NRXN3: variants seen among roughly 807,000 people sequenced by gnomAD.
The protein encoded by NRXN3 is neurexin 3, also known as neurexin III.
In NRXN3, 32 loss-of-function variants were observed where a neutral mutation model predicts 137.6. The ratio of observed to expected loss-of-function variants is 0.23; its 90% CI spans 0.18 to 0.31. NRXN3 has a LOEUF of 0.31. Ranked by LOEUF, NRXN3 falls within the 10% of genes least tolerant of loss-of-function variation. The pLI, the probability that NRXN3 is intolerant of heterozygous loss-of-function variation, is 1.00. For missense variants in NRXN3, 1,574 were observed against 2,062.5 expected (o/e 0.76, Z 4.59); for synonymous variants, 798 against 784.5 (o/e 1.02, Z -0.29).
intron 16 of NRXN3, among the ~76,000 whole-genome samples, chr14:79,564,536 G>T (rs921986939): frequency 6.6e-6 from 1 of 151,996 alleles, no homozygotes; most frequent in African/African-American, 2.4e-5. Context: ...TCATTGTCCC[G>T]CACACTTTAT....
chr14:78,625,026 G>C (rs1360425990), intron 4 of NRXN3, among the ~76,000 whole-genome samples: 2 of 152,072 alleles, frequency 1.3e-5, no homozygotes, highest in East Asian at 3.9e-4. Flanking sequence ...ATTTTTAGTA[G>C]AGACGGGGTT....
chr14:78,484,733 G>A (rs1314676622), intron 4 of NRXN3, among the ~76,000 whole-genome samples: 3 of 152,118 alleles, frequency 2.0e-5, no homozygotes, highest in Non-Finnish European at 2.9e-5. Flanking sequence ...GATCTGGTGT[G>A]TACTTCCCTG....
At chr14:78,473,302 T>C (rs1414029437) in intron 4 of NRXN3, among the ~76,000 whole-genome samples, 2 of 150,812 alleles carry the variant, frequency 1.3e-5, no homozygotes, top group Non-Finnish European at 2.9e-5. Flanking sequence ...CTCGGGAGGC[T>C]GAGGCAGGAG....
chr14:79,732,954 TTTGATA>T (rs1190295379), intron 19 of NRXN3, among the ~76,000 whole-genome samples: 2 of 152,208 alleles, frequency 1.3e-5, no homozygotes, highest in African/African-American at 4.8e-5. Flanking sequence ...AGATTTATAT[TTTGATA>T]TTAATATTAA....
At chr14:78,647,228 A>G (rs961205821) in intron 5 of NRXN3, among the ~76,000 whole-genome samples, 1 of 152,212 alleles carries the variant, frequency 6.6e-6, no homozygotes, top group African/African-American at 2.4e-5. Context: ...TGTAATTCAA[A>G]TATTGTTTGT....
At chr14:79,025,565 C>A (rs1300235337) in intron 15 of NRXN3, among the ~76,000 whole-genome samples, 1 of 152,142 alleles carries the variant, frequency 6.6e-6, no homozygotes, top group Non-Finnish European at 1.5e-5. Flanking sequence ...TTTCCCTCTA[C>A]CGTGAAATTT....
At chr14:78,180,166 T>C (rs568859733) in intron 1 of NRXN3, among the ~76,000 whole-genome samples, 7 of 152,164 alleles carry the variant, frequency 4.6e-5, no homozygotes, top group Admixed American at 3.9e-4. Context: ...AAAATAAACA[T>C]GGGGGAGGGC....
chr14:79,019,578 T>C (rs905280022), intron 15 of NRXN3, among the ~76,000 whole-genome samples: 3 of 151,998 alleles, frequency 2.0e-5, no homozygotes, highest in Non-Finnish European at 4.4e-5. Flanking sequence ...AGGAAAAGAA[T>C]TATGTCCGTG....
At chr14:79,280,522 C>T (rs773319198) in intron 15 of NRXN3, 1 of 1,612,258 alleles carries the variant, frequency 6.2e-7, no homozygotes, top group Non-Finnish European at 8.5e-7. Flanking sequence ...CCCCTGTTTC[C>T]CTTCGAGGAG....
At chr14:79,349,532 CGG>C (rs2093086736) in intron 15 of NRXN3, among the ~76,000 whole-genome samples, 1 of 137,724 alleles carries the variant, frequency 7.3e-6, no homozygotes, top group African/African-American at 3.0e-5. Flanking sequence ...CCGTCCTCCC[CGG>C]GAAAAAAAAA....
intron 4 of NRXN3, among the ~76,000 whole-genome samples, chr14:78,579,009 T>A (rs2096964939): frequency 6.6e-6 from 1 of 151,994 alleles, no homozygotes; most frequent in Non-Finnish European, 1.5e-5. Context: ...CTGAGAGAAC[T>A]GTCAACCTAT....
chr14:78,440,254 G>A (rs2094200418), intron 4 of NRXN3, among the ~76,000 whole-genome samples: 2 of 152,046 alleles, frequency 1.3e-5, no homozygotes, highest in Admixed American at 1.3e-4. Context: ...CCAGACATTG[G>A]GCTCCAGGAC....
At chr14:79,673,381 G>A (rs1418891916) in intron 17 of NRXN3, among the ~76,000 whole-genome samples, 1 of 152,098 alleles carries the variant, frequency 6.6e-6, no homozygotes, top group Non-Finnish European at 1.5e-5. Context: ...CACAGCATAA[G>A]AAGACTTAGG....
chr14:79,131,902 C>T (rs534865778), intron 15 of NRXN3, among the ~76,000 whole-genome samples: 11 of 144,098 alleles, frequency 7.6e-5, no homozygotes, highest in Admixed American at 4.1e-4. Context: ...TTAAGCCTGT[C>T]GGAAAAACAC....
At chr14:79,268,323 A>G (rs1267001229) in intron 15 of NRXN3, among the ~76,000 whole-genome samples, 1 of 152,130 alleles carries the variant, frequency 6.6e-6, no homozygotes, top group African/African-American at 2.4e-5. Flanking sequence ...TGTAAAGTCT[A>G]TTTTGTCTGG....
At chr14:78,666,145 A>T (rs1333760909) in intron 6 of NRXN3, among the ~76,000 whole-genome samples, 2 of 152,168 alleles carry the variant, frequency 1.3e-5, no homozygotes, top group Non-Finnish European at 2.9e-5. Flanking sequence ...TACTCCCTTA[A>T]CACAATTTTA....
chr14:79,176,870 C>T (rs1263092857), intron 15 of NRXN3, among the ~76,000 whole-genome samples: 1 of 152,182 alleles, frequency 6.6e-6, no homozygotes, highest in Non-Finnish European at 1.5e-5. Context: ...CTTTGTACAC[C>T]TTGCACCTAT....
chr14:79,064,499 A>G (rs911686579), intron 15 of NRXN3, among the ~76,000 whole-genome samples: 10 of 151,992 alleles, frequency 6.6e-5, no homozygotes, highest in Admixed American at 1.3e-4. Flanking sequence ...TTTTTGGTCT[A>G]TAGTTGGTTC....
At chr14:78,929,786 A>G (rs1440842615) in intron 10 of NRXN3, among the ~76,000 whole-genome samples, 1 of 152,212 alleles carries the variant, frequency 6.6e-6, no homozygotes, top group East Asian at 1.9e-4. Context: ...GACCTTCCTT[A>G]TAAGGGAAGC....
Sources: gnomAD v4.1 joint callset for allele counts (sites outside exome capture counted in the v4.1 genomes callset) on GRCh38, gnomAD v4.1.1 for gene constraint, MANE v1.5 for transcripts, NCBI Gene and HGNC (gene_info 2026-07-23, HGNC 2026-07-21) for gene names.